The following PTPRD variants were observed in gnomAD, a reference collection of about 807,000 sequenced individuals.
PTPRD encodes the protein protein tyrosine phosphatase receptor type D, also known as receptor-type tyrosine-protein phosphatase delta.
In PTPRD, 34 loss-of-function variants were observed where a neutral mutation model predicts 214.5. That is an observed-to-expected ratio of 0.16 (90% CI 0.12 to 0.21). The LOEUF (loss-of-function observed/expected upper bound fraction) is 0.21. PTPRD is among the 10% of genes least tolerant of loss of function. The probability of loss-of-function intolerance (pLI) is 1.00; values close to 1 mark genes in which losing one functional copy is unlikely to be tolerated. For synonymous variants in PTPRD, 1,128 were observed against 845.7 expected (o/e 1.33, Z -5.79); for missense variants, 2,545 against 2,398.7 (o/e 1.06, Z -1.27).
chr9:9,180,666 C>T (rs187725572), intron 10 of PTPRD, among the ~76,000 whole-genome samples: 11 of 152,170 alleles, frequency 7.2e-5, no homozygotes, highest in African/African-American at 2.6e-4. Flanking sequence ...ATAACACTCA[C>T]ATACTACAAA....
At chr9:9,843,087 A>G (rs561462366) in intron 5 of PTPRD, among the ~76,000 whole-genome samples, 2 of 152,234 alleles carry the variant, frequency 1.3e-5, no homozygotes, top group South Asian at 2.1e-4. Flanking sequence ...AATATTTTCC[A>G]TAAAGGATTT....
At chr9:8,732,853 G>A (rs1238787204) in intron 12 of PTPRD, among the ~76,000 whole-genome samples, 1 of 152,128 alleles carries the variant, frequency 6.6e-6, no homozygotes, top group Non-Finnish European at 1.5e-5. Flanking sequence ...CTTAACATGA[G>A]TCAAATTTAA....
chr9:10,186,886 T>C (rs2099334181), intron 3 of PTPRD, among the ~76,000 whole-genome samples: 1 of 152,146 alleles, frequency 6.6e-6, no homozygotes, highest in Non-Finnish European at 1.5e-5. Context: ...AGGAAACCTA[T>C]TGACTTCATG....
intron 3 of PTPRD, among the ~76,000 whole-genome samples, chr9:10,137,690 T>A (rs2098952170): frequency 1.9e-5 from 1 of 51,338 alleles, no homozygotes; most frequent in African/African-American, 7.8e-5. Context: ...ACCCTAAAAC[T>A]TAGAGTATAA....
intron 6 of PTPRD, among the ~76,000 whole-genome samples, chr9:9,760,016 C>G (rs1296609242): frequency 1.3e-5 from 2 of 152,118 alleles, no homozygotes; most frequent in Admixed American, 1.3e-4. Context: ...GTATTGCCTG[C>G]TTAACTAGAT....
At chr9:10,188,186 T>C (rs1338656288) in intron 3 of PTPRD, among the ~76,000 whole-genome samples, 1 of 152,218 alleles carries the variant, frequency 6.6e-6, no homozygotes, top group East Asian at 1.9e-4. Flanking sequence ...CTGCCAATTC[T>C]ACTTATTTTC....
intron 4 of PTPRD, among the ~76,000 whole-genome samples, chr9:10,007,060 C>T (rs1158066341): frequency 6.6e-6 from 1 of 151,864 alleles, no homozygotes; most frequent in African/African-American, 2.4e-5. Flanking sequence ...TCCTCAACAC[C>T]ACTCTAAGGC....
At chr9:9,391,564 T>G (rs1410423111) in intron 9 of PTPRD, among the ~76,000 whole-genome samples, 3 of 152,178 alleles carry the variant, frequency 2.0e-5, no homozygotes. Context: ...TACAATTATC[T>G]GTTTTGCATA....
At chr9:9,456,651 T>G (rs952622241) in intron 8 of PTPRD, among the ~76,000 whole-genome samples, 2 of 151,926 alleles carry the variant, frequency 1.3e-5, no homozygotes, top group African/African-American at 4.8e-5. Context: ...TATGGAGTGC[T>G]TATTATGAGC....
At chr9:8,461,151 G>C (rs1038854043) in intron 32 of PTPRD, among the ~76,000 whole-genome samples, 1 of 152,030 alleles carries the variant, frequency 6.6e-6, no homozygotes, top group Admixed American at 6.6e-5. Flanking sequence ...GGAGGCCAAA[G>C]CATGAACAAA....
rs1314561331 is a variant in PTPRD, at chr9:10,091,869, A to C, written c.-544-58079T>G. Among the ~76,000 whole-genome samples, 4 of 151,346 alleles carry C rather than the reference A, an allele frequency of 2.6e-5. No individual in the cohort carries two copies. In the Admixed American group the frequency reaches 2.6e-4, roughly 10 times the overall value. On this transcript the variant is annotated intron_variant, in intron 3 of 45. Coordinates refer to ENST00000381196, the MANE Select transcript of PTPRD (RefSeq NM_002839.4). Reference sequence around the variant, plus strand: ...AGTTCAAAAGAAGTTGGTTACCAGAACCTGTCCTTTTTCTCTCCCGGAAAT... The same window carrying C: ...AGTTCAAAAGAAGTTGGTTACCAGACCCTGTCCTTTTTCTCTCCCGGAAAT...
At chr9:10,080,422 C>G (rs2098217206) in intron 3 of PTPRD, among the ~76,000 whole-genome samples, 1 of 152,066 alleles carries the variant, frequency 6.6e-6, no homozygotes, top group Admixed American at 6.6e-5. Context: ...CTTGTCATTG[C>G]TACACTGTAA....
chr9:10,095,017 G>T (rs973676554), intron 3 of PTPRD, among the ~76,000 whole-genome samples: 1 of 151,162 alleles, frequency 6.6e-6, no homozygotes, highest in Non-Finnish European at 1.5e-5. Flanking sequence ...TCTAAGCGGG[G>T]TATTACAACC....
At chr9:9,908,132 A>C (rs1404702387) in intron 5 of PTPRD, among the ~76,000 whole-genome samples, 1 of 152,016 alleles carries the variant, frequency 6.6e-6, no homozygotes, top group Non-Finnish European at 1.5e-5. Flanking sequence ...CAGAAAAAAA[A>C]GTATCTAGTT....
chr9:8,433,591 T>C (rs918261048), intron 35 of PTPRD, among the ~76,000 whole-genome samples: 5 of 152,168 alleles, frequency 3.3e-5, no homozygotes, highest in Admixed American at 6.5e-5. Context: ...TTAATGCATG[T>C]CTTTGCAACT....
chr9:8,328,437 G>C (rs1836262877), intron 44 of PTPRD, among the ~76,000 whole-genome samples: 1 of 152,210 alleles, frequency 6.6e-6, no homozygotes, highest in South Asian at 2.1e-4. Context: ...TTTGTCTCTG[G>C]CTGCCCTTAA....
At chr9:9,450,950 TACACACACACACACAC>T (rs145703989) in intron 8 of PTPRD, among the ~76,000 whole-genome samples, 4 of 136,592 alleles carry the variant, frequency 2.9e-5, no homozygotes, top group African/African-American at 8.4e-5. Context: ...CATACATACA[TACACACACACACACAC>T]ACACACACAC....
intron 9 of PTPRD, among the ~76,000 whole-genome samples, chr9:9,302,617 T>TTG (rs369926785): frequency 6.8e-6 from 1 of 146,922 alleles, no homozygotes; most frequent in Non-Finnish European, 1.5e-5. Flanking sequence ...TTTTTTTTTT[T>TTG]GTCTTTCCTG....
intron 2 of PTPRD, among the ~76,000 whole-genome samples, chr9:10,441,590 C>T (rs117721312): frequency 1.3e-3 from 200 of 151,432 alleles, no homozygotes; most frequent in Non-Finnish European, 2.6e-3. Flanking sequence ...TCAACTTATC[C>T]TTATTATTGT....
Sources: allele counts gnomAD v4.1 joint callset (sites outside exome capture counted in the v4.1 genomes callset), GRCh38; gene constraint gnomAD v4.1.1; transcripts MANE v1.5; gene names NCBI Gene and HGNC (gene_info 2026-07-23, HGNC 2026-07-21).